FOXP1: variants seen among roughly 807,000 people sequenced by gnomAD.
The protein encoded by FOXP1 is forkhead box P1, also known as forkhead box protein P1.
In FOXP1, 15 loss-of-function variants were observed where a neutral mutation model predicts 98.2. The ratio of observed to expected loss-of-function variants is 0.15; its 90% CI spans 0.10 to 0.24. FOXP1 has a LOEUF of 0.24. FOXP1 is among the 10% of genes least tolerant of loss of function. The pLI is 1.00. For synonymous variants in FOXP1, 371 were observed against 314.5 expected, an observed-to-expected ratio of 1.18 and a Z score of -1.90; for missense variants, 633 against 848.5, an observed-to-expected ratio of 0.75 and a Z score of 3.15.
intron 4 of FOXP1, among the ~76,000 whole-genome samples, chr3:71,349,991 A>C (rs1443703675): frequency 6.6e-6 from 1 of 152,224 alleles, no homozygotes; most frequent in African/African-American, 2.4e-5. Flanking sequence ...TGGTTGTTAA[A>C]ATTCTGTAAT....
At position 71,483,524 on chromosome 3, in the gene FOXP1, G is replaced by A. The variant is rs556185522; in HGVS notation, c.-168+9902C>T. 2.8e-4 allele frequency among the ~76,000 whole-genome samples: 42 copies of A among 152,218 alleles called. No homozygotes were observed. The South Asian group carries it at 8.3e-3, about 30-fold the overall frequency. ...AGCTAGTTTTTACTCTTAAAGGGCT[G>A]GGGGAAAATGAAAATCCTACTACTA... is the stretch of plus-strand genomic sequence containing the variant. On this transcript the variant is annotated intron_variant, in intron 3 of 20. Transcript: ENST00000649528.
At chr3:71,571,094 A>T (rs1408499943) in intron 2 of FOXP1, 1 of 152,240 alleles carries the variant, frequency 6.6e-6, no homozygotes. Context: ...TACAGTAGTA[A>T]AACAAGTGCT....
chr3:71,512,814 T>C (rs1368943440), intron 2 of FOXP1, among the ~76,000 whole-genome samples: 3 of 152,160 alleles, frequency 2.0e-5, no homozygotes, highest in Admixed American at 6.5e-5. Flanking sequence ...GGAAAGACCA[T>C]CTCCACCCCT....
At chr3:71,166,638 C>A (rs1467282035) in intron 6 of FOXP1, among the ~76,000 whole-genome samples, 1 of 152,176 alleles carries the variant, frequency 6.6e-6, no homozygotes, top group Non-Finnish European at 1.5e-5. Context: ...CATTCTAAAT[C>A]TCTTCTGTAA....
In FOXP1 at chr3:71,532,999, G is replaced by A. The variant is rs139318632; in HGVS notation, c.-297-39444C>T. Among the ~76,000 whole-genome samples the A allele has an allele frequency of 5.1e-4, 78 of 152,294 alleles. 1 individual carries two copies. The East Asian group carries it at 0.014, about 28-fold the overall frequency. On this transcript the variant is annotated intron_variant, in intron 2 of 20. Transcript: ENST00000649528. ...CATAGGACCCTGGTTGATACATCTT[G>A]CTCCTGCAATCAGAAAGAAAGAGTT...
At chr3:71,283,805 A>C (rs1430286589) in intron 5 of FOXP1, among the ~76,000 whole-genome samples, 1 of 152,184 alleles carries the variant, frequency 6.6e-6, no homozygotes, top group Admixed American at 6.5e-5. Flanking sequence ...AGAACCAGTA[A>C]GCACTCAATA....
At chr3:70,979,973 T>C (rs2038530191) in intron 14 of FOXP1, among the ~76,000 whole-genome samples, 1 of 152,160 alleles carries the variant, frequency 6.6e-6, no homozygotes, top group African/African-American at 2.4e-5. Flanking sequence ...ATTTTCAGCG[T>C]AGAATGTTGT....
At chr3:71,278,367 C>T (rs770743482) in intron 5 of FOXP1, among the ~76,000 whole-genome samples, 3 of 152,218 alleles carry the variant, frequency 2.0e-5, no homozygotes, top group Non-Finnish European at 2.9e-5. Context: ...AAGCACTGGA[C>T]AGTAGGCTAC....
chr3:70,974,487 T>C (rs932309097), intron 17 of FOXP1, among the ~76,000 whole-genome samples: 2 of 151,962 alleles, frequency 1.3e-5, no homozygotes, highest in East Asian at 1.9e-4. Context: ...TTTGTAGAGA[T>C]GGGGTCTTGC....
intron 6 of FOXP1, among the ~76,000 whole-genome samples, chr3:71,141,135 G>C (rs1017703805): frequency 6.6e-6 from 1 of 151,844 alleles, no homozygotes; most frequent in Non-Finnish European, 1.5e-5. Flanking sequence ...AGGCGTGGTG[G>C]CAGGCGCCTG....
chr3:71,232,963 GACTACTACTACT>G (rs1024408015), intron 5 of FOXP1, among the ~76,000 whole-genome samples: 1 of 142,280 alleles, frequency 7.0e-6, no homozygotes, highest in Non-Finnish European at 1.5e-5. Context: ...CCACCACCAC[GACTACTACTACT>G]ACTACTACTA....
intron 5 of FOXP1, among the ~76,000 whole-genome samples, chr3:71,238,433 T>G (rs941354265): frequency 1.3e-5 from 2 of 151,234 alleles, no homozygotes; most frequent in Non-Finnish European, 2.9e-5. Flanking sequence ...TAAAGGGGTG[T>G]GGGGGGGTGT....
chr3:71,029,662 A>G (rs2107884995), intron 11 of FOXP1, among the ~76,000 whole-genome samples: 1 of 152,278 alleles, frequency 6.6e-6, no homozygotes, highest in East Asian at 1.9e-4. Context: ...AAGTGCTGGG[A>G]TTGTAGGCAT....
chr3:71,529,975 G>GAC (rs2043701780), intron 2 of FOXP1, among the ~76,000 whole-genome samples: 1 of 152,120 alleles, frequency 6.6e-6, no homozygotes, highest in Admixed American at 6.5e-5. Context: ...AAGCATAGGT[G>GAC]ACAACATGGC....
intron 2 of FOXP1, among the ~76,000 whole-genome samples, chr3:71,523,678 T>A (rs538436162): frequency 6.6e-6 from 1 of 152,300 alleles, no homozygotes; most frequent in East Asian, 1.9e-4. Context: ...TTTCTAGCTG[T>A]ACTTTTCCAC....
intron 4 of FOXP1, among the ~76,000 whole-genome samples, chr3:71,308,749 ATGTGTGTG>A (rs71104439): frequency 0.16 from 21,256 of 131,924 alleles, 1,879 homozygotes; most frequent in East Asian, 0.34. Flanking sequence ...TTCTACCACA[ATGTGTGTG>A]TGTGTGTGTG....
chr3:71,171,511 T>C (rs985537110), intron 6 of FOXP1, among the ~76,000 whole-genome samples: 1 of 152,240 alleles, frequency 6.6e-6, no homozygotes, highest in African/African-American at 2.4e-5. Context: ...CTGTCATCCA[T>C]GGCTTCTCTC....
chr3:71,493,582 A>G (rs2091210647), intron 2 of FOXP1, 27 bp from the exon 3 acceptor site: 2 of 152,204 alleles, frequency 1.3e-5, no homozygotes, highest in East Asian at 1.9e-4. Flanking sequence ...TTTTTTACAC[A>G]TAACTAAGAT....
intron 3 of FOXP1, among the ~76,000 whole-genome samples, chr3:71,432,453 T>C (rs2084806109): frequency 6.6e-6 from 1 of 152,150 alleles, no homozygotes. Context: ...TCCCGGGCCC[T>C]GGCCCAATGA....
Sources: gnomAD v4.1 joint callset for allele counts (sites outside exome capture counted in the v4.1 genomes callset) on GRCh38, gnomAD v4.1.1 for gene constraint, MANE v1.5 for transcripts, NCBI Gene and HGNC (gene_info 2026-07-23, HGNC 2026-07-21) for gene names.